The following PRKCH variants were observed in gnomAD, a reference collection of about 807,000 sequenced individuals.
PRKCH encodes protein kinase C eta type.
In PRKCH, 28 loss-of-function variants were observed where a neutral mutation model predicts 82.5. That is an observed-to-expected ratio of 0.34 (90% confidence interval 0.25 to 0.47). The LOEUF is 0.47. PRKCH is among the 20% of genes least tolerant of loss of function. The pLI is 1.00. For synonymous variants in PRKCH, 322 were observed against 327.4 expected (o/e 0.98, Z 0.18); for missense variants, 705 against 881.8 (o/e 0.80, Z 2.54).
At chr14:61,285,835 A>G (rs888765430) in intron 1 of PRKCH, among the ~76,000 whole-genome samples, 5 of 152,200 alleles carry the variant, frequency 3.3e-5, no homozygotes, top group Non-Finnish European at 7.3e-5. Flanking sequence ...AGGCCTTGGC[A>G]TATTTCCTCC....
intron 1 of PRKCH, among the ~76,000 whole-genome samples, chr14:61,261,871 C>G (rs1433762737): frequency 6.6e-6 from 1 of 152,072 alleles, no homozygotes; most frequent in Non-Finnish European, 1.5e-5. Context: ...AATTCCAGTC[C>G]TAAGTATTAC....
intron 9 of PRKCH, among the ~76,000 whole-genome samples, chr14:61,473,624 T>C (rs191817054): frequency 6.6e-6 from 1 of 152,326 alleles, no homozygotes; most frequent in East Asian, 1.9e-4. Flanking sequence ...AGATGCTTGT[T>C]TGTCAGAAAC....
At chr14:61,425,902 C>A (rs906882985) in intron 2 of PRKCH, among the ~76,000 whole-genome samples, 29 of 152,166 alleles carry the variant, frequency 1.9e-4, no homozygotes, top group African/African-American at 6.8e-4. Flanking sequence ...CTCATGAGAT[C>A]TGTTGGTTTT....
intron 1 of PRKCH, among the ~76,000 whole-genome samples, chr14:61,381,991 A>G (rs1283691620): frequency 1.3e-5 from 2 of 152,210 alleles, no homozygotes; most frequent in Non-Finnish European, 2.9e-5. Context: ...CACCCAATTC[A>G]GTAACCTCAC....
intron 7 of PRKCH, among the ~76,000 whole-genome samples, chr14:61,454,497 G>A (rs1594724007): frequency 6.6e-6 from 1 of 152,220 alleles, no homozygotes; most frequent in South Asian, 2.1e-4. Context: ...TGGGGACCAG[G>A]CAGGACAGGT....
rs145640522 is a variant in PRKCH, at chr14:61,502,561, A to C, written c.1433+16905A>C. ...AGAGCAGTTGCACCAGTCATTATTT[A>C]TAACTGGATTAAAGAGTAGCAGCAC... is the stretch of plus-strand genomic sequence containing the variant. On this transcript the variant is annotated intron_variant, in intron 10 of 13. Coordinates refer to ENST00000332981, the MANE Select transcript of PRKCH (RefSeq NM_006255.5). Among the ~76,000 whole-genome samples, 131 of 152,280 alleles carry C rather than the reference A, an allele frequency of 8.6e-4. No individual in the cohort carries two copies. The East Asian group carries it at 0.023, about 27-fold the overall frequency.
intron 9 of PRKCH, among the ~76,000 whole-genome samples, chr14:61,466,258 T>C (rs763324565): frequency 1.3e-5 from 2 of 152,202 alleles, no homozygotes; most frequent in African/African-American, 2.4e-5. Context: ...GAATAAGCCA[T>C]TATTAAGTCA....
chr14:61,484,588 A>G (rs1196556669), intron 9 of PRKCH, among the ~76,000 whole-genome samples: 1 of 152,106 alleles, frequency 6.6e-6, no homozygotes, highest in Non-Finnish European at 1.5e-5. Flanking sequence ...CTTGCATAGT[A>G]TTTAGTACAC....
intron 1 of PRKCH, among the ~76,000 whole-genome samples, chr14:61,357,397 C>T (rs1426809790): frequency 6.6e-6 from 1 of 152,200 alleles, no homozygotes; most frequent in Non-Finnish European, 1.5e-5. Flanking sequence ...TATGTGTAGT[C>T]ACAGTTATCT....
At chr14:61,257,343 G>A (rs562274598) in intron 1 of PRKCH, among the ~76,000 whole-genome samples, 1 of 152,264 alleles carries the variant, frequency 6.6e-6, no homozygotes, top group Non-Finnish European at 1.5e-5. Flanking sequence ...GGTTAACACC[G>A]ATCTCGGTGG....
At chr14:61,272,701 G>C (rs1183972363) in intron 1 of PRKCH, among the ~76,000 whole-genome samples, 2 of 152,128 alleles carry the variant, frequency 1.3e-5, no homozygotes. Context: ...GGCTAAAAAT[G>C]GTCTGTACCC....
intron 1 of PRKCH, among the ~76,000 whole-genome samples, chr14:61,194,044 C>T (rs1032840342): frequency 6.6e-6 from 1 of 151,604 alleles, no homozygotes; most frequent in African/African-American, 2.4e-5. Flanking sequence ...GTCTTTTATC[C>T]CTCTTTCTCT....
intron 1 of PRKCH, among the ~76,000 whole-genome samples, chr14:61,258,998 C>T (rs1286637649): frequency 6.6e-6 from 1 of 152,108 alleles, no homozygotes; most frequent in Non-Finnish European, 1.5e-5. Flanking sequence ...TCACTTTTGC[C>T]AAGTTCACGA....
chr14:61,312,375 G>A (rs1385285865), intron 1 of PRKCH, among the ~76,000 whole-genome samples: 5 of 152,104 alleles, frequency 3.3e-5, no homozygotes, highest in Admixed American at 3.3e-4. Flanking sequence ...ACACCAAATA[G>A]GGTCATGATG....
intron 1 of PRKCH, among the ~76,000 whole-genome samples, chr14:61,332,926 G>A (rs1247163633): frequency 1.3e-5 from 2 of 152,142 alleles, no homozygotes; most frequent in East Asian, 1.9e-4. Context: ...TGGTCCTTCC[G>A]GTGTCAGAGT....
intron 9 of PRKCH, among the ~76,000 whole-genome samples, chr14:61,483,176 A>G (rs1886059224): frequency 6.6e-6 from 1 of 152,268 alleles, no homozygotes; most frequent in Non-Finnish European, 1.5e-5. Flanking sequence ...CAGCATTGGC[A>G]TAAAACCTTA....
chr14:61,505,395 C>CTTTT (rs60304150), intron 10 of PRKCH, among the ~76,000 whole-genome samples: 108 of 55,752 alleles, frequency 1.9e-3, no homozygotes, highest in African/African-American at 5.2e-3. Context: ...CTTTTCTTTT[C>CTTTT]TTTTTTTTTT....
At chr14:61,394,586 G>A (rs1957910) in intron 2 of PRKCH, among the ~76,000 whole-genome samples, 117,106 of 152,110 alleles carry the variant, frequency 0.77, 48,337 homozygotes, top group Non-Finnish European at 0.93. Flanking sequence ...AGCAATGCAT[G>A]TTAGACCAGG....
At chr14:61,470,176 G>T (rs1008432966) in intron 9 of PRKCH, among the ~76,000 whole-genome samples, 6 of 151,716 alleles carry the variant, frequency 4.0e-5, no homozygotes, top group African/African-American at 1.5e-4. Flanking sequence ...TGAGATTACT[G>T]GGGGGAGGCG....
Sources: allele counts gnomAD v4.1 joint callset (sites outside exome capture counted in the v4.1 genomes callset), GRCh38; gene constraint gnomAD v4.1.1; transcripts MANE v1.5; gene names NCBI Gene and HGNC (gene_info 2026-07-23, HGNC 2026-07-21).